The following PACS1 variants were observed in gnomAD, a reference collection of about 807,000 sequenced individuals.
PACS1 encodes phosphofurin acidic cluster sorting protein 1.
PACS1 carries 24 observed loss-of-function variants against 115.0 expected under a neutral mutation model. The ratio of observed to expected loss-of-function variants is 0.21; its 90% confidence interval spans 0.15 to 0.29. The LOEUF (loss-of-function observed/expected upper bound fraction) is 0.29, where lower values mean the gene tolerates loss of function less well. Among genes scored for constraint, PACS1 ranks in the 10% least tolerant of loss-of-function variants. PACS1 has a pLI of 1.00. For synonymous variants in PACS1, 453 were observed against 504.5 expected, an observed-to-expected ratio of 0.90 and a Z score of 1.37; for missense variants, 838 against 1,251.2, an observed-to-expected ratio of 0.67 and a Z score of 4.98.
chr11:66,124,921 C>T (rs1182775680), intron 1 of PACS1, among the ~76,000 whole-genome samples: 1 of 152,134 alleles, frequency 6.6e-6, no homozygotes, highest in Admixed American at 6.6e-5. Context: ...CAGGCTTGCC[C>T]GCTGGCTCCC....
intron 1 of PACS1, among the ~76,000 whole-genome samples, chr11:66,101,451 C>G (rs959093904): frequency 7.9e-5 from 12 of 152,158 alleles, no homozygotes; most frequent in African/African-American, 2.9e-4. Flanking sequence ...GGAGAAATCC[C>G]TATAAATCAA....
chr11:66,087,700 G>T (rs1857596080), intron 1 of PACS1, among the ~76,000 whole-genome samples: 1 of 152,184 alleles, frequency 6.6e-6, no homozygotes, highest in Non-Finnish European at 1.5e-5. Context: ...GGCTATATGG[G>T]AGATTTCCAG....
At position 66,168,758 on chromosome 11, in the gene PACS1, G is replaced by A. The variant is rs1036047798; in HGVS notation, c.357-24728G>A. ...CTAAATAGTATATATATATATGTGT[G>A]TGTGTGTGTGTGTGTGTGTGTATAC... On this transcript the variant is annotated intron_variant, in intron 1 of 23. Transcript: ENST00000320580. 2.1e-4 allele frequency among the ~76,000 whole-genome samples: 31 copies of A among 149,920 alleles called. 1 individual carries two copies. Among genetic ancestry groups the A allele is most frequent in the African/African-American group, 7.6e-4 (30 of 39,498 alleles).
At chr11:66,159,828 T>A (rs1205458492) in intron 1 of PACS1, among the ~76,000 whole-genome samples, 1 of 152,224 alleles carries the variant, frequency 6.6e-6, no homozygotes, top group African/African-American at 2.4e-5. Flanking sequence ...TCTGGCAACA[T>A]GCCCAGCTCA....
At chr11:66,174,987 C>A (rs1379867935) in intron 1 of PACS1, among the ~76,000 whole-genome samples, 6 of 152,060 alleles carry the variant, frequency 3.9e-5, no homozygotes, top group Non-Finnish European at 8.8e-5. Flanking sequence ...CCTGTCTCTA[C>A]TAAAACTACA....
At chr11:66,193,970 T>A (rs1282251962) in intron 2 of PACS1, among the ~76,000 whole-genome samples, 1 of 152,168 alleles carries the variant, frequency 6.6e-6, no homozygotes, top group Non-Finnish European at 1.5e-5. Flanking sequence ...AGGTTTTCTT[T>A]TATTTTCTTT....
At position 66,233,805 on chromosome 11, in the gene PACS1, T is replaced by C; in HGVS notation, c.1859T>C (p.Met620Thr). 1.2e-6 allele frequency: 2 copies of C among 1,613,870 alleles called. No homozygotes were observed. Among genetic ancestry groups the C allele is most frequent in the Non-Finnish European group, 1.7e-6 (2 of 1,179,882 alleles). Residue 620 changes from methionine to threonine, a missense_variant, in exon 16 of 24, where the codon ATG (methionine) becomes ACG (threonine). Around this residue, in one of 6 missense-constraint regions of PACS1, gnomAD observed 383 missense variants for 537.0 expected, o/e 0.71. Transcript: ENST00000320580. This position sits in a 1 kb window ranked among gnomAD's most constrained non-coding sequence, Gnocchi z 4.5. ...CCCAGCTGCAACTGCAACTCTTCCA[T>C]GCCGAGGCCAGTGAAGGTGGCTGCT... ...IQRYCNCNSS[M>T]PRPVKVAAVG...
intron 8 of PACS1, chr11:66,220,353 C>A: frequency 2.3e-6 from 1 of 433,262 alleles, no homozygotes; most frequent in African/African-American, 2.0e-5. Flanking sequence ...GTAGGAAGAA[C>A]CCACATGGGC....
At chr11:66,129,871 T>C (rs1303673019) in intron 1 of PACS1, among the ~76,000 whole-genome samples, 1 of 152,200 alleles carries the variant, frequency 6.6e-6, no homozygotes, top group Admixed American at 6.5e-5. Flanking sequence ...ATTTTTATGC[T>C]AGAATAAATG....
intron 1 of PACS1, among the ~76,000 whole-genome samples, chr11:66,094,080 C>T (rs955835673): frequency 6.7e-6 from 1 of 150,188 alleles, no homozygotes; most frequent in Non-Finnish European, 1.5e-5. Context: ...ACTAAATGCC[C>T]ACAAGAGAAA....
chr11:66,223,395 A>T (rs1444325207), intron 10 of PACS1, among the ~76,000 whole-genome samples: 1 of 148,038 alleles, frequency 6.8e-6, no homozygotes, highest in Non-Finnish European at 1.5e-5. Flanking sequence ...TGCCCGGCCT[A>T]TTTTTTTTTT....
Position 66,233,916 on chromosome 11 carries a change from T to C in PACS1, c.1970T>C (p.Met657Thr), listed in dbSNP as rs1855652998. 1.9e-6 allele frequency: 3 copies of C among 1,581,638 alleles called. No individual in the cohort carries two copies. The highest frequency in any genetic ancestry group is 1.3e-5 in the African/African-American group (1 of 74,192). The stretch of plus-strand genomic sequence containing the variant: ...AAGACCTCCGACTGGCTTGGCTACA[T>C]GCGCTTCCTCATCATCCCCCTCGGT... Reference protein sequence around the residue: ...ANKTSDWLGYMRFLIIPLGSH... With the variant: ...ANKTSDWLGYTRFLIIPLGSH... The change falls in exon 16 of 24, where the codon ATG (methionine) becomes ACG (threonine). Residue 657 changes from methionine to threonine, a missense_variant. By Grantham distance (81) the Met-to-Thr change is moderately conservative. Around this residue, in one of 6 missense-constraint regions of PACS1, gnomAD observed 383 missense variants for 537.0 expected, o/e 0.71. Transcript: ENST00000320580. The surrounding 1 kb of genome is among the most constrained non-coding windows in gnomAD (Gnocchi z 4.5).
chr11:66,156,031 A>G (rs1859345685), intron 1 of PACS1, among the ~76,000 whole-genome samples: 1 of 151,760 alleles, frequency 6.6e-6, no homozygotes, highest in African/African-American at 2.4e-5. Flanking sequence ...TAAAGGAGTG[A>G]TTGCCTGGGG....
In PACS1 at chr11:66,168,703, A is replaced by T. The variant is rs531096558; in HGVS notation, c.357-24783A>T. ...GTAGCTGTTGCTATTATTTTGTTTT[A>T]TCCCTAGGTGTCTTATTTTTTGTTG... On this transcript the variant is annotated intron_variant, in intron 1 of 23. Transcript: ENST00000320580. 1.1e-4 allele frequency among the ~76,000 whole-genome samples: 17 copies of T among 149,096 alleles called. No homozygotes were observed. In the South Asian group the frequency reaches 3.5e-3, roughly 31 times the overall value.
intron 2 of PACS1, among the ~76,000 whole-genome samples, chr11:66,194,079 T>C (rs1337375686): frequency 6.6e-6 from 1 of 152,196 alleles, no homozygotes; most frequent in African/African-American, 2.4e-5. Flanking sequence ...TTCTCCTGCC[T>C]CAGCCTCCCT....
intron 1 of PACS1, among the ~76,000 whole-genome samples, chr11:66,099,913 A>G (rs923097108): frequency 1.4e-5 from 2 of 145,306 alleles, no homozygotes; most frequent in African/African-American, 2.6e-5. Flanking sequence ...CAATGGCGCA[A>G]TCTCGGTTCA....
At chr11:66,136,977 G>C (rs1858859233) in intron 1 of PACS1, among the ~76,000 whole-genome samples, 1 of 151,658 alleles carries the variant, frequency 6.6e-6, no homozygotes, top group East Asian at 1.9e-4. Flanking sequence ...TGATTTTTGG[G>C]GATTTTTGAA....
intron 2 of PACS1, among the ~76,000 whole-genome samples, chr11:66,201,266 A>G (rs540159081): frequency 1.6e-4 from 25 of 152,310 alleles, no homozygotes; most frequent in African/African-American, 5.5e-4. Flanking sequence ...CCTGACCATA[A>G]TGGAATAAAA....
intron 20 of PACS1, 124 bp from the exon 21 acceptor site, chr11:66,239,018 G>A: frequency 2.7e-6 from 4 of 1,483,690 alleles, no homozygotes; most frequent in Non-Finnish European, 3.7e-6. Flanking sequence ...GGGGGAGGTG[G>A]AAGGAGCCTG....
Sources: allele counts gnomAD v4.1 joint callset (sites outside exome capture counted in the v4.1 genomes callset), GRCh38; gene constraint gnomAD v4.1.1; regional missense constraint gnomAD v4.1.1; non-coding constraint Gnocchi (gnomAD v3.1); transcripts MANE v1.5; gene names NCBI Gene and HGNC (gene_info 2026-07-23, HGNC 2026-07-21).